The following ABCA1 variants were observed in gnomAD, a reference collection of about 807,000 sequenced individuals.
The protein encoded by ABCA1 is ATP binding cassette subfamily A member 1.
ABCA1 carries 133 observed loss-of-function variants against 262.5 expected under a neutral mutation model. The ratio of observed to expected loss-of-function variants is 0.51; its 90% CI spans 0.44 to 0.59. ABCA1 has a LOEUF of 0.59. ABCA1 is among the 20% of genes least tolerant of loss of function. The pLI, the probability that ABCA1 is intolerant of heterozygous loss-of-function variation, is 0.00. For synonymous variants in ABCA1, 1,022 were observed against 1,043.5 expected (o/e 0.98, Z 0.40); for missense variants, 2,452 against 2,777.5 (o/e 0.88, Z 2.63).
intron 1 of ABCA1, among the ~76,000 whole-genome samples, chr9:104,906,391 T>G (rs1841136153): frequency 6.6e-6 from 1 of 152,128 alleles, no homozygotes; most frequent in Non-Finnish European, 1.5e-5. Context: ...TGGACAGCAT[T>G]TTCTTGGAAG....
rs1205218226 is a variant in ABCA1 at position 104,892,415 on chromosome 9, TG to T, written c.67-3221del. On this transcript the variant is annotated intron_variant, in intron 2 of 49. Coordinates refer to ENST00000374736, the MANE Select transcript of ABCA1 (RefSeq NM_005502.4). ...TTTGTCAATTATACCTCAATAAAGC[TG>T]GGGGTGGGGGTGGGGAAGAAAGCAA... is the stretch of plus-strand genomic sequence containing the variant. 1.2e-4 allele frequency among the ~76,000 whole-genome samples: 3 copies of T among 25,776 alleles called. No homozygotes were observed. The Admixed American group carries it at 1.8e-3, about 16-fold the overall frequency. The allele number at this position is 25,776 out of a possible 152,430, so 16.9% of individuals were successfully genotyped here.
At chr9:104,892,439 C>T (rs1376982357) in intron 2 of ABCA1, among the ~76,000 whole-genome samples, 1 of 151,782 alleles carries the variant, frequency 6.6e-6, no homozygotes, top group Non-Finnish European at 1.5e-5. Flanking sequence ...GGGAAGAAAG[C>T]AATTTTCTTT....
intron 30 of ABCA1, 108 bp downstream of exon 30, chr9:104,809,358 C>A: frequency 9.5e-7 from 1 of 1,056,870 alleles, no homozygotes. Context: ...ATTCAAAGGG[C>A]AAATGCTGGC....
At chr9:104,887,748 ACAGAGT>A (rs1481092622) in intron 3 of ABCA1, among the ~76,000 whole-genome samples, 3 of 103,174 alleles carry the variant, frequency 2.9e-5, no homozygotes, top group South Asian at 3.1e-4. Flanking sequence ...TTTTTTTGAG[ACAGAGT>A]CTCACTCTGT....
chr9:104,832,343 G>A (rs1833414996), intron 12 of ABCA1, among the ~76,000 whole-genome samples: 1 of 152,172 alleles, frequency 6.6e-6, no homozygotes, highest in South Asian at 2.1e-4. Flanking sequence ...AGCCTATATA[G>A]AATAAGCTAG....
intron 5 of ABCA1, among the ~76,000 whole-genome samples, chr9:104,867,135 A>ATG (rs1837167046): frequency 6.6e-6 from 1 of 152,242 alleles, no homozygotes; most frequent in African/African-American, 2.4e-5. Flanking sequence ...CAAACCAAGT[A>ATG]AAGAGGACAC....
rs538008753 is a variant in ABCA1 at position 104,874,017 on chromosome 9, C to T, written c.421+9022G>A. Among the ~76,000 whole-genome samples, 36 of 152,200 alleles carry T rather than the reference C, an allele frequency of 2.4e-4. 1 individual carries two copies. The highest frequency in any genetic ancestry group is 4.4e-4 in the Non-Finnish European group (30 of 68,034). ...TTTTCTACCCACTTCCCTCAACTCCCTGCCACAGCCAACTATCTTGCCATG... is the reference window on the plus strand; with the variant it reads ...TTTTCTACCCACTTCCCTCAACTCCTTGCCACAGCCAACTATCTTGCCATG... On this transcript the variant is annotated intron_variant, in intron 5 of 49. Transcript: ENST00000374736.
intron 1 of ABCA1, among the ~76,000 whole-genome samples, chr9:104,926,028 A>G (rs1411770817): frequency 2.0e-5 from 3 of 150,686 alleles, no homozygotes; most frequent in Non-Finnish European, 3.0e-5. Context: ...AAAAAAAAAG[A>G]AAAAAAAATC....
rs548626631 is a variant in ABCA1, at chr9:104,789,716, G to C, written c.5928-1149C>G. On this transcript the variant is annotated intron_variant, in intron 44 of 49. Coordinates refer to ENST00000374736, the MANE Select transcript of ABCA1 (RefSeq NM_005502.4). ...TCTACATGTCTGTGTGTACATACTA[G>C]GTTGAGATATAAAATGTATTTCCCA... Among the ~76,000 whole-genome samples the C allele has an allele frequency of 3.9e-5, 6 of 152,262 alleles. No homozygotes were observed. In the South Asian group the frequency reaches 1.2e-3, roughly 32 times the overall value.
intron 5 of ABCA1, among the ~76,000 whole-genome samples, chr9:104,881,549 A>G (rs2487063): frequency 2.6e-5 from 4 of 152,208 alleles, no homozygotes; most frequent in African/African-American, 9.7e-5. Flanking sequence ...TACATGTTTT[A>G]TCTCATTAAC....
intron 1 of ABCA1, among the ~76,000 whole-genome samples, chr9:104,912,057 G>C (rs948511969): frequency 6.6e-6 from 1 of 152,188 alleles, no homozygotes; most frequent in Non-Finnish European, 1.5e-5. Flanking sequence ...ATAGGTAACT[G>C]TACTTCCTTC....
In ABCA1 at chr9:104,785,464, T is replaced by C; in HGVS notation, c.6577A>G (p.Ile2193Val). 1 of 1,613,518 alleles carries C rather than the reference T, an allele frequency of 6.2e-7. No homozygotes were observed. Among genetic ancestry groups the C allele is most frequent in the Non-Finnish European group, 8.5e-7 (1 of 1,179,704 alleles). ...SLSSLARIFSILSQSKKRLHI... is the reference protein window; with the variant it reads ...SLSSLARIFSVLSQSKKRLHI... ...AGTCGCTTTTTGCTCTGGGAGAGGA[T>C]GCTGAATATCCTGGCCAGAGAAGAT... The change falls in exon 49 of 50, where the codon ATC becomes GTC. Residue 2193 changes from isoleucine (I) to valine (V), a missense_variant. Ile to Val is a conservative substitution (Grantham distance 29). Coordinates refer to ENST00000374736, the MANE Select transcript of ABCA1 (RefSeq NM_005502.4).
intron 40 of ABCA1, 119 bp downstream of exon 40, chr9:104,794,268 G>A: frequency 6.7e-7 from 1 of 1,484,682 alleles, no homozygotes; most frequent in Admixed American, 1.7e-5. Flanking sequence ...CTGGGCATGG[G>A]GGTGGGGGAA....
At position 104,814,224 on chromosome 9, in the gene ABCA1, G is replaced by A; in HGVS notation, c.3795C>T (p.Thr1265=). The change falls in exon 27 of 50, where the codon ACC becomes ACT. Residue 1265 remains threonine, a synonymous_variant. Coordinates refer to ENST00000374736, the MANE Select transcript of ABCA1 (RefSeq NM_005502.4). The part of the protein sequence containing the change: ...SGVDAETSDG[T]LPARRNRRAF... ...CCCGCCTGTTTCGTCTTGCTGGCAA[G>A]GTACCATCTGAAGGCACAAGGAAAG... is the stretch of plus-strand genomic sequence containing the variant. 1 of 1,614,178 alleles carries A rather than the reference G, an allele frequency of 6.2e-7. No individual in the cohort carries two copies. Among genetic ancestry groups the A allele is most frequent in the Middle Eastern group, 1.6e-4 (1 of 6,062 alleles).
chr9:104,895,550 C>A (rs866583866), intron 2 of ABCA1, among the ~76,000 whole-genome samples: 6 of 152,200 alleles, frequency 3.9e-5, no homozygotes, highest in African/African-American at 1.4e-4. Context: ...CGGTCGAGAA[C>A]CACTGCTCTA....
intron 5 of ABCA1, among the ~76,000 whole-genome samples, chr9:104,872,228 C>G (rs1422577680): frequency 2.0e-5 from 3 of 152,148 alleles, no homozygotes; most frequent in East Asian, 1.9e-4. Flanking sequence ...GGAAACAGAT[C>G]TGGAGAATAT....
chr9:104,820,688 T>C (rs913047985), intron 20 of ABCA1, among the ~76,000 whole-genome samples: 4 of 152,182 alleles, frequency 2.6e-5, no homozygotes, highest in African/African-American at 7.2e-5. Context: ...GCAGCAAATA[T>C]AGGTCCATCA....
chr9:104,866,725 T>C (rs1296093009), intron 5 of ABCA1, among the ~76,000 whole-genome samples: 1 of 152,162 alleles, frequency 6.6e-6, no homozygotes, highest in African/African-American at 2.4e-5. Context: ...TGACCTCAGG[T>C]GATCCACTCG....
chr9:104,824,343 T>G (rs1832634534), intron 18 of ABCA1, 122 bp downstream of exon 18: 8 of 1,542,680 alleles, frequency 5.2e-6, no homozygotes, highest in African/African-American at 1.4e-5. Context: ...TGCATGTGAT[T>G]TCTCTGCCCC....
Sources: allele counts gnomAD v4.1 joint callset (sites outside exome capture counted in the v4.1 genomes callset), GRCh38; gene constraint gnomAD v4.1.1; transcripts MANE v1.5; gene names NCBI Gene and HGNC (gene_info 2026-07-23, HGNC 2026-07-21).